MYO1D: variants seen among roughly 807,000 people sequenced by gnomAD.
MYO1D encodes the protein myosin ID, also known as unconventional myosin-Id.
MYO1D carries 83 observed loss-of-function variants against 122.0 expected under a neutral mutation model. The observed-to-expected ratio is 0.68, with a 90% CI of 0.57 to 0.82. The LOEUF is 0.82. Ranked by LOEUF, MYO1D falls within the 40% of genes least tolerant of loss-of-function variation. The pLI, the probability that MYO1D is intolerant of heterozygous loss-of-function variation, is 0.00. For synonymous variants in MYO1D, 464 were observed against 446.9 expected (o/e 1.04, Z -0.48); for missense variants, 1,157 against 1,269.5 (o/e 0.91, Z 1.35).
chr17:32,600,035 G>A lies in MYO1D; in HGVS notation c.2864+5052C>T, dbSNP rs548161099. On this transcript the variant is annotated intron_variant, in intron 21 of 21. Coordinates refer to ENST00000318217, the MANE Select transcript of MYO1D (RefSeq NM_015194.3). The stretch of plus-strand genomic sequence containing the variant: ...GGGCTGCACAATAGATGCTGTGTTT[G>A]TAGGCATGGGAACAACATTAATCAA... Among the ~76,000 whole-genome samples, 238 of 152,306 alleles carry A rather than the reference G, an allele frequency of 1.6e-3. 1 individual carries two copies. The highest frequency in any genetic ancestry group is 5.4e-3 in the African/African-American group (226 of 41,556).
intron 21 of MYO1D, among the ~76,000 whole-genome samples, chr17:32,560,363 T>C (rs2087107866): frequency 6.6e-6 from 1 of 151,458 alleles, no homozygotes; most frequent in South Asian, 2.1e-4. Context: ...AATATGGTAA[T>C]TGATTCATAT....
At chr17:32,719,589 A>G (rs1190847414) in intron 15 of MYO1D, among the ~76,000 whole-genome samples, 3 of 151,964 alleles carry the variant, frequency 2.0e-5, no homozygotes, top group African/African-American at 7.3e-5. Flanking sequence ...TGACCTCATG[A>G]TCTGCCCCCC....
chr17:32,617,189 TA>T (rs1567911899), intron 20 of MYO1D, among the ~76,000 whole-genome samples: 1 of 151,646 alleles, frequency 6.6e-6, no homozygotes, highest in African/African-American at 2.4e-5. Context: ...AAAAAGTTAA[TA>T]AAAAAAATAA....
intron 1 of MYO1D, chr17:32,792,447 A>C (rs1280608420): frequency 6.6e-6 from 1 of 152,090 alleles, no homozygotes; most frequent in African/African-American, 2.4e-5. Flanking sequence ...GGTTACTTTC[A>C]ATAAGGTTCA....
chr17:32,620,222 C>T (rs2087837158), intron 20 of MYO1D, among the ~76,000 whole-genome samples: 2 of 152,146 alleles, frequency 1.3e-5, no homozygotes, highest in East Asian at 3.8e-4. Flanking sequence ...CCTAGGCTGG[C>T]TCCCCACTGA....
intron 14 of MYO1D, among the ~76,000 whole-genome samples, chr17:32,723,634 G>T (rs1048572224): frequency 6.6e-6 from 1 of 152,030 alleles, no homozygotes; most frequent in Non-Finnish European, 1.5e-5. Flanking sequence ...TCCTCGAGAG[G>T]GTCTGCCTGC....
chr17:32,791,967 T>C (rs2090357688), intron 1 of MYO1D, among the ~76,000 whole-genome samples: 1 of 152,216 alleles, frequency 6.6e-6, no homozygotes, highest in African/African-American at 2.4e-5. Flanking sequence ...ATGGCAATTT[T>C]TTTTTCTCTA....
rs181164948 is a variant in MYO1D at position 32,860,735 on chromosome 17, G to A, written c.95+16043C>T. 3.3e-3 allele frequency among the ~76,000 whole-genome samples: 499 copies of A among 152,244 alleles called. 4 individuals carry two copies. Among genetic ancestry groups the A allele is most frequent in the African/African-American group, 0.011 (438 of 41,548 alleles). On this transcript the variant is annotated intron_variant, in intron 1 of 21. Coordinates refer to ENST00000318217, the MANE Select transcript of MYO1D (RefSeq NM_015194.3). Reference sequence around the variant, plus strand: ...AGCTAGGAGACAGATTTTTGCCCCCGTAGTAAATGTGCCACTAGACTAGTA... The same window carrying A: ...AGCTAGGAGACAGATTTTTGCCCCCATAGTAAATGTGCCACTAGACTAGTA...
intron 1 of MYO1D, among the ~76,000 whole-genome samples, chr17:32,867,131 G>A (rs1489681034): frequency 1.3e-5 from 2 of 152,086 alleles, no homozygotes; most frequent in African/African-American, 4.8e-5. Flanking sequence ...TTTGAGACCA[G>A]CCTGGCCAAC....
chr17:32,571,502 C>CGCGTTG (rs1246711731), intron 21 of MYO1D, among the ~76,000 whole-genome samples: 4 of 152,124 alleles, frequency 2.6e-5, no homozygotes, highest in Admixed American at 1.3e-4. Context: ...CTGGTGGGGT[C>CGCGTTG]GCGTTGATAA....
chr17:32,774,699 T>A (rs1238199005), intron 4 of MYO1D, among the ~76,000 whole-genome samples: 1 of 152,204 alleles, frequency 6.6e-6, no homozygotes, highest in African/African-American at 2.4e-5. Flanking sequence ...GATGAAACAT[T>A]CTGGAAAAAG....
At chr17:32,832,229 C>T (rs1215850526) in intron 1 of MYO1D, among the ~76,000 whole-genome samples, 2 of 151,912 alleles carry the variant, frequency 1.3e-5, no homozygotes, top group Admixed American at 6.6e-5. Flanking sequence ...ACCTCAGCTC[C>T]CTTGACTCCA....
intron 16 of MYO1D, among the ~76,000 whole-genome samples, chr17:32,664,995 A>G (rs1023192777): frequency 1.3e-5 from 2 of 152,006 alleles, no homozygotes; most frequent in Non-Finnish European, 2.9e-5. Context: ...CGCTCCCGCC[A>G]TACTGGCCTC....
chr17:32,653,710 C>CA, intron 19 of MYO1D, 133 bp downstream of exon 19: 1 of 681,278 alleles, frequency 1.5e-6, no homozygotes, highest in Non-Finnish European at 2.5e-6. Context: ...TGCCTCAGCA[C>CA]AGACAGGTCT....
intron 16 of MYO1D, among the ~76,000 whole-genome samples, chr17:32,660,918 A>G (rs755151844): frequency 1.3e-5 from 2 of 152,204 alleles, no homozygotes; most frequent in Non-Finnish European, 2.9e-5. Flanking sequence ...TTCTTAGACA[A>G]AACACATTTT....
intron 16 of MYO1D, among the ~76,000 whole-genome samples, chr17:32,662,944 G>T (rs1436159123): frequency 2.8e-5 from 4 of 143,540 alleles, no homozygotes; most frequent in Non-Finnish European, 6.0e-5. Context: ...TTGAGACAGG[G>T]TCTCACTCTG....
At chr17:32,651,679 T>A (rs2088392124) in intron 19 of MYO1D, among the ~76,000 whole-genome samples, 3 of 150,720 alleles carry the variant, frequency 2.0e-5, no homozygotes, top group Non-Finnish European at 4.4e-5. Flanking sequence ...TCCCACTTTT[T>A]TTTTTTTTTT....
Position 32,638,824 on chromosome 17 carries a change from A to G in MYO1D, c.2607T>C (p.Phe869=). 6.2e-7 allele frequency: 1 copy of G among 1,611,054 alleles called. No homozygotes were observed. The highest frequency in any genetic ancestry group is 8.5e-7 in the Non-Finnish European group (1 of 1,177,268). The change falls in exon 20 of 22, where the codon TTT becomes TTC. Residue 869 remains phenylalanine, a synonymous_variant. Coordinates refer to ENST00000318217, the MANE Select transcript of MYO1D (RefSeq NM_015194.3). ...AAATTGCTCTGTCTTCCACCTTACT[A>G]AATCGATTTACCTGTAAGAGAACAA... ...FSCHVRKVNR[F]SKVEDRAIFV...
chr17:32,724,411 G>A (rs916455264), intron 14 of MYO1D, among the ~76,000 whole-genome samples: 11 of 152,292 alleles, frequency 7.2e-5, no homozygotes, highest in Admixed American at 5.9e-4. Context: ...TGACACCCGT[G>A]CTGAGGGTTA....
Sources: allele counts gnomAD v4.1 joint callset (sites outside exome capture counted in the v4.1 genomes callset), GRCh38; gene constraint gnomAD v4.1.1; transcripts MANE v1.5; gene names NCBI Gene and HGNC (gene_info 2026-07-23, HGNC 2026-07-21).